The following RBM44 variants were observed in gnomAD, a reference collection of about 807,000 sequenced individuals.
RBM44 encodes the protein RNA binding motif protein 44.
A neutral mutation model predicts 105.1 loss-of-function variants in RBM44; 66 were observed. The ratio of observed to expected loss-of-function variants is 0.63; its 90% CI spans 0.52 to 0.77. The LOEUF is 0.77. RBM44 is among the 30% of genes least tolerant of loss of function. RBM44 has a pLI of 0.00. For missense variants in RBM44, 1,122 were observed against 1,207.8 expected (o/e 0.93, Z 1.05); for synonymous variants, 365 against 417.6 (o/e 0.87, Z 1.54).
intron 5 of RBM44, 24 bp from the exon 6 acceptor site, chr2:237,821,047 T>A (rs753087411): frequency 6.4e-7 from 1 of 1,556,066 alleles, no homozygotes; most frequent in Admixed American, 2.1e-5. Flanking sequence ...ATAATTTAGT[T>A]TTGTGCACTC....
In RBM44 at chr2:237,833,994, TA is replaced by T; in HGVS notation, c.2887-2del. 1 of 1,514,294 alleles carries T rather than the reference TA, an allele frequency of 6.6e-7. No individual in the cohort carries two copies. Among genetic ancestry groups the T allele is most frequent in the Non-Finnish European group, 8.9e-7 (1 of 1,125,994 alleles). The allele number at this position is 1,514,294 out of a possible 1,614,324, so 93.8% of individuals were successfully genotyped here. A position where few individuals can be genotyped will look rare whatever the true frequency, so the allele number is the denominator to read the frequency against. On this transcript the variant is annotated splice_acceptor_variant, in intron 13 of 15. Coordinates refer to ENST00000316997, the MANE Select transcript of RBM44 (RefSeq NM_001080504.3). LOFTEE classifies it high-confidence loss of function. ...TAAGAAAACTTTTTAAATGCTTATT[TA>T]GGGTGTCAAGAAGAATTGTAAGCAG...
intron 2 of RBM44, among the ~76,000 whole-genome samples, chr2:237,814,439 A>C (rs1377707671): frequency 2.0e-5 from 3 of 152,154 alleles, no homozygotes; most frequent in Non-Finnish European, 4.4e-5. Flanking sequence ...GGGAAAGGCT[A>C]CTGGAGATTG....
rs1391686533 is a variant in RBM44, at chr2:237,803,338, C to T, written c.-19+4477C>T. Among the ~76,000 whole-genome samples, 3 of 151,410 alleles carry T rather than the reference C, an allele frequency of 2.0e-5. No homozygotes were observed. The highest frequency in any genetic ancestry group is 4.9e-5 in the African/African-American group (2 of 41,154). On this transcript the variant is annotated intron_variant, in intron 1 of 15. Coordinates refer to ENST00000316997, the MANE Select transcript of RBM44 (RefSeq NM_001080504.3). This position sits in a 1 kb window ranked among gnomAD's most constrained non-coding sequence, Gnocchi z 4.2. ...ACACACATACTCTCTCTCTCACACA[C>T]ACACACATACTTTCTCTCTCACTCA...
At chr2:237,821,428 T>C in intron 7 of RBM44, 60 bp downstream of exon 7, 1 of 1,269,846 alleles carries the variant, frequency 7.9e-7, no homozygotes, top group African/African-American at 1.5e-5. Context: ...CTTAATTCAG[T>C]TAACTTTAAA....
intron 9 of RBM44, among the ~76,000 whole-genome samples, 190 bp downstream of exon 9, chr2:237,823,744 A>G (rs1354695975): frequency 6.6e-6 from 1 of 152,164 alleles, no homozygotes; most frequent in Non-Finnish European, 1.5e-5. Context: ...AATATAGCTG[A>G]CAATGCTAAA....
At chr2:237,800,367 C>A (rs1486896486) in intron 1 of RBM44, among the ~76,000 whole-genome samples, 2 of 152,098 alleles carry the variant, frequency 1.3e-5, no homozygotes, top group African/African-American at 4.8e-5. Flanking sequence ...AGATAATAGA[C>A]CTCTATCGCA....
chr2:237,832,242 A>T (rs372440173), intron 13 of RBM44, among the ~76,000 whole-genome samples: 1 of 151,510 alleles, frequency 6.6e-6, no homozygotes, highest in East Asian at 1.9e-4. Context: ...GTAGCCTTGA[A>T]GTCCTGGGCT....
chr2:237,821,318 G>C (rs773058928), intron 6 of RBM44, 28 bp from the exon 7 acceptor site: 2 of 1,560,946 alleles, frequency 1.3e-6, no homozygotes, highest in South Asian at 2.4e-5. Context: ...TTTAAACAAA[G>C]ATTTTTTTTC....
Position 237,831,243 on chromosome 2 carries a change from T to TG in RBM44, c.2886+1754dup, listed in dbSNP as rs61344701. Among the ~76,000 whole-genome samples the TG allele has an allele frequency of 8.2e-3, 884 of 107,528 alleles. 5 individuals carry two copies. Among genetic ancestry groups the TG allele is most frequent in the Non-Finnish European group, 9.0e-3 (471 of 52,486 alleles). 70.5% of individuals were successfully genotyped at this position (107,528 alleles called of 152,430 possible). On this transcript the variant is annotated intron_variant, in intron 13 of 15. Coordinates refer to ENST00000316997, the MANE Select transcript of RBM44 (RefSeq NM_001080504.3). ...TACCATCCTTATTTGTCCTTTTTTTTGGGGGGGGGGGGGTTTGTCTTTGTT... is the reference window on the plus strand; with the variant it reads ...TACCATCCTTATTTGTCCTTTTTTTTGGGGGGGGGGGGGGTTTGTCTTTGTT...
In RBM44 at chr2:237,817,343, G is replaced by A; in HGVS notation, c.424G>A (p.Glu142Lys). The stretch of plus-strand genomic sequence containing the variant: ...AGATCCTGAAGTGCAGAAAAAAGAG[G>A]AGGTTTTTTTTAATATTTTGGAACA... Reference protein sequence around the residue: ...ELDPEVQKKEEVFFNILEHQD... With the variant: ...ELDPEVQKKEKVFFNILEHQD... The change falls in exon 3 of 16, where the codon GAG (glutamate) becomes AAG (lysine). Residue 142 changes from glutamate to lysine, a missense_variant. This residue lies in a region of RBM44 where 918 missense variants were observed against 955.3 expected (regional missense o/e 0.96). Coordinates refer to ENST00000316997, the MANE Select transcript of RBM44 (RefSeq NM_001080504.3). 6.2e-7 allele frequency: 1 copy of A among 1,601,808 alleles called. No homozygotes were observed. Among genetic ancestry groups the A allele is most frequent in the Non-Finnish European group, 8.5e-7 (1 of 1,175,120 alleles).
chr2:237,807,064 G>T (rs1384117361), intron 1 of RBM44, among the ~76,000 whole-genome samples: 1 of 152,004 alleles, frequency 6.6e-6, no homozygotes, highest in Non-Finnish European at 1.5e-5. Context: ...TGTCATGTAA[G>T]AACTTCATTT....
chr2:237,829,120 C>A, intron 12 of RBM44, 97 bp from the exon 13 acceptor site: 1 of 826,980 alleles, frequency 1.2e-6, no homozygotes, highest in Non-Finnish European at 1.9e-6. Context: ...AGCAGTTACT[C>A]TTGTGAAAAA....
At position 237,842,393 on chromosome 2, in the gene RBM44, T is replaced by C. The variant is rs1226419187; in HGVS notation, c.*577T>C. The C allele has an allele frequency of 6.6e-6, 1 of 152,162 alleles. No individual in the cohort carries two copies. Among genetic ancestry groups the C allele is most frequent in the Non-Finnish European group, 1.5e-5 (1 of 67,974 alleles). 9.4% of individuals were successfully genotyped at this position (152,162 alleles called of 1,614,324 possible). A position where few individuals can be genotyped will look rare whatever the true frequency, so the allele number is the denominator to read the frequency against. On this transcript the variant is annotated 3_prime_UTR_variant, in exon 16 of 16. Transcript: ENST00000316997. ...TAAATTACTGTCATGATACATTTCA[T>C]GCATTTTTTATGACTTCAGTATAAA... is the stretch of plus-strand genomic sequence containing the variant.
In RBM44 at chr2:237,821,436, A is replaced by G. The variant is rs548226047; in HGVS notation, c.2120+68A>G. The G allele has an allele frequency of 1.6e-3, 1,963 of 1,197,856 alleles. 1 individual carries two copies. Among genetic ancestry groups the G allele is most frequent in the Non-Finnish European group, 2.2e-3 (1,829 of 846,552 alleles). The allele number at this position is 1,197,856 out of a possible 1,614,324, so 74.2% of individuals were successfully genotyped here. A position where few individuals can be genotyped will look rare whatever the true frequency, so the allele number is the denominator to read the frequency against. ...AAAATTGCTTAATTCAGTTAACTTT[A>G]AACTTTGTTTTGTTCCCTATTTAGA... On this transcript the variant is annotated intron_variant, in intron 7 of 15. Transcript: ENST00000316997.
At chr2:237,827,227 GT>G in intron 10 of RBM44, 22 bp from the exon 11 acceptor site, 1 of 1,301,224 alleles carries the variant, frequency 7.7e-7, no homozygotes, top group Middle Eastern at 1.9e-4. Context: ...GATCATTTCT[GT>G]TACATGTTTT....
chr2:237,815,532 A>G (rs910747956), intron 2 of RBM44, among the ~76,000 whole-genome samples: 10 of 152,140 alleles, frequency 6.6e-5, no homozygotes, highest in East Asian at 1.9e-4. Flanking sequence ...TTATTGGCCA[A>G]TTGGTAAGTC....
chr2:237,839,561 G>A (rs958267590), intron 15 of RBM44, among the ~76,000 whole-genome samples: 3 of 152,116 alleles, frequency 2.0e-5, no homozygotes, highest in Admixed American at 6.5e-5. Context: ...GAGCCACTGC[G>A]CCCGGCCCCT....
chr2:237,834,149 A>T lies in RBM44; in HGVS notation c.3032+7A>T. The T allele has an allele frequency of 6.4e-7, 1 of 1,553,784 alleles. No homozygotes were observed. Among genetic ancestry groups the T allele is most frequent in the South Asian group, 1.2e-5 (1 of 82,398 alleles). ...TGCATCCAGAAGTCAGCAGGTAATA[A>T]CCAAAATTATATTTTAACTGCTTTA... On this transcript the variant is annotated splice_region_variant and intron_variant, in intron 14 of 15. Transcript: ENST00000316997.
At chr2:237,824,502 C>A in intron 10 of RBM44, 83 bp downstream of exon 10, 3 of 1,075,908 alleles carry the variant, frequency 2.8e-6, no homozygotes, top group East Asian at 2.7e-5. Context: ...TTGTGTTGGG[C>A]AACTGAGTTG....
Sources: allele counts gnomAD v4.1 joint callset (sites outside exome capture counted in the v4.1 genomes callset), GRCh38; gene constraint gnomAD v4.1.1; regional missense constraint gnomAD v4.1.1; non-coding constraint Gnocchi (gnomAD v3.1); transcripts MANE v1.5; gene names NCBI Gene and HGNC (gene_info 2026-07-23, HGNC 2026-07-21).